The following ZC3H6 variants were observed in gnomAD, a reference collection of about 807,000 sequenced individuals.
ZC3H6 encodes the protein zinc finger CCCH-type containing 6.
A neutral mutation model predicts 107.7 loss-of-function variants in ZC3H6; 40 were observed. The observed-to-expected ratio is 0.37, with a 90% CI of 0.29 to 0.48. The LOEUF (loss-of-function observed/expected upper bound fraction) is 0.48, where lower values mean the gene tolerates loss of function less well. Among genes scored for constraint, ZC3H6 ranks in the 20% least tolerant of loss-of-function variants. ZC3H6 has a pLI of 0.98. For missense variants in ZC3H6, 1,267 were observed against 1,410.4 expected, an observed-to-expected ratio of 0.90 and a Z score of 1.63; for synonymous variants, 493 against 487.9, an observed-to-expected ratio of 1.01 and a Z score of -0.14.
rs577844433 is a variant in ZC3H6 at position 112,286,655 on chromosome 2, C to T, written c.32+10629C>T. Among the ~76,000 whole-genome samples the T allele has an allele frequency of 1.7e-3, 258 of 152,346 alleles. 1 individual carries two copies. Among genetic ancestry groups the T allele is most frequent in the African/African-American group, 6.1e-3 (253 of 41,588 alleles). On this transcript the variant is annotated intron_variant, in intron 1 of 11. Transcript: ENST00000409871. ...GTTTTGCCATGTTGCCCAGGCTAGT[C>T]TTGAGCCTCCTGGGCTCAAGTGATC...
intron 1 of ZC3H6, among the ~76,000 whole-genome samples, chr2:112,295,484 G>A (rs4430968): frequency 0.51 from 77,549 of 151,970 alleles, 21,982 homozygotes; most frequent in East Asian, 0.76. Context: ...ATTACTAGGT[G>A]TTCAATTAAG....
chr2:112,323,314 AAC>A (rs1248712123), intron 9 of ZC3H6, among the ~76,000 whole-genome samples: 6 of 152,130 alleles, frequency 3.9e-5, no homozygotes, highest in African/African-American at 1.4e-4. Flanking sequence ...TTCATTTTCT[AAC>A]ACCACCATTT....
chr2:112,334,219 G>A lies in ZC3H6; in HGVS notation c.*1731G>A, dbSNP rs1558959862. On this transcript the variant is annotated 3_prime_UTR_variant, in exon 12 of 12. Transcript: ENST00000409871. The stretch of plus-strand genomic sequence containing the variant: ...CCAAATGAATTTTGTTGTTAATTGA[G>A]AAGTCAATAAAATGGATTAAACTGA... 2 of 151,940 alleles carry A rather than the reference G, an allele frequency of 1.3e-5. No individual in the cohort carries two copies. The highest frequency in any genetic ancestry group is 2.4e-5 in the African/African-American group (1 of 41,396). 9.4% of individuals were successfully genotyped at this position (151,940 alleles called of 1,614,324 possible).
rs1434920204 is a variant in ZC3H6, at chr2:112,331,112, C to G, written c.2194C>G (p.Gln732Glu). 1 of 1,612,638 alleles carries G rather than the reference C, an allele frequency of 6.2e-7. No homozygotes were observed. The highest frequency in any genetic ancestry group is 1.7e-5 in the Admixed American group (1 of 59,768). The change falls in exon 12 of 12, where the codon CAA (glutamine) becomes GAA (glutamate). Residue 732 changes from glutamine (Q) to glutamate (E), a missense_variant. Physicochemically the swap from Gln to Glu is conservative, Grantham distance 29. This residue lies in a region of ZC3H6 where 925 missense variants were observed against 1,025.7 expected (regional missense o/e 0.90). Transcript: ENST00000409871. ...KQTETLRNQQQPSTELSTPTD... is the reference protein window; with the variant it reads ...KQTETLRNQQEPSTELSTPTD... ...AACAGAAACTTTAAGGAATCAGCAA[C>G]AACCTTCCACAGAACTCAGCACTCC...
intron 9 of ZC3H6, 127 bp from the exon 10 acceptor site, chr2:112,324,025 T>C: frequency 1.9e-6 from 2 of 1,039,362 alleles, no homozygotes; most frequent in South Asian, 4.6e-5. Context: ...AACAAATTGC[T>C]TCTTAAACAC....
intron 11 of ZC3H6, 95 bp downstream of exon 11, chr2:112,325,292 G>A: frequency 1.0e-5 from 12 of 1,166,004 alleles, no homozygotes; most frequent in Non-Finnish European, 1.5e-5. Flanking sequence ...TCAGGAGTTC[G>A]AGACCAACCT....
At position 112,332,514 on chromosome 2, in the gene ZC3H6, T is replaced by G. The variant is rs555197002; in HGVS notation, c.*26T>G. 6 of 1,577,624 alleles carry G rather than the reference T, an allele frequency of 3.8e-6. No homozygotes were observed. Among genetic ancestry groups the G allele is most frequent in the Non-Finnish European group, 5.2e-6 (6 of 1,163,626 alleles). ...CTATTGTGTAACTGAGCAATTCTTT[T>G]CACTCTTGTGACTATCTCAGTCCTC... is the stretch of plus-strand genomic sequence containing the variant. On this transcript the variant is annotated 3_prime_UTR_variant, in exon 12 of 12. Transcript: ENST00000409871.
chr2:112,289,423 C>A (rs1310964401), intron 1 of ZC3H6, among the ~76,000 whole-genome samples: 2 of 149,630 alleles, frequency 1.3e-5, no homozygotes, highest in Admixed American at 6.8e-5. Context: ...CTCCTGGTTT[C>A]ATGCCATTCT....
chr2:112,278,336 G>A (rs1379545655), intron 1 of ZC3H6, among the ~76,000 whole-genome samples: 1 of 152,056 alleles, frequency 6.6e-6, no homozygotes, highest in Non-Finnish European at 1.5e-5. Context: ...TTATTTTTTT[G>A]AGACGGAGTC....
chr2:112,313,890 A>C (rs1055909811), intron 5 of ZC3H6, among the ~76,000 whole-genome samples: 1 of 152,168 alleles, frequency 6.6e-6, no homozygotes, highest in African/African-American at 2.4e-5. Flanking sequence ...AATTTTTTTG[A>C]AAAATCAAGA....
At chr2:112,276,988 C>T (rs1686438481) in intron 1 of ZC3H6, among the ~76,000 whole-genome samples, 1 of 150,922 alleles carries the variant, frequency 6.6e-6, no homozygotes, top group African/African-American at 2.5e-5. Context: ...TTACTATAGA[C>T]TATATACATT....
chr2:112,326,931 C>T (rs1388914587), intron 11 of ZC3H6, among the ~76,000 whole-genome samples: 2 of 152,070 alleles, frequency 1.3e-5, no homozygotes, highest in African/African-American at 4.8e-5. Flanking sequence ...TTGGTGGACA[C>T]TTAGGTTGCT....
intron 1 of ZC3H6, among the ~76,000 whole-genome samples, chr2:112,280,865 G>T (rs962379052): frequency 6.6e-6 from 1 of 152,182 alleles, no homozygotes; most frequent in African/African-American, 2.4e-5. Flanking sequence ...AGGATGTGGG[G>T]ATCCCATCAA....
Position 112,299,975 on chromosome 2 carries a change from T to G in ZC3H6, c.159T>G (p.His53Gln), listed in dbSNP as rs1474648770. 6.7e-7 allele frequency: 1 copy of G among 1,501,008 alleles called. No homozygotes were observed. Among genetic ancestry groups the G allele is most frequent in the South Asian group, 1.4e-5 (1 of 73,502 alleles). 93.0% of individuals were successfully genotyped at this position (1,501,008 alleles called of 1,614,324 possible). A position where few individuals can be genotyped will look rare whatever the true frequency, so the allele number is the denominator to read the frequency against. Residue 53 changes from histidine (H) to glutamine (Q), a missense_variant, in exon 2 of 12, where the codon CAT becomes CAG. By Grantham distance (24) the His-to-Gln change is conservative (BLOSUM62 0). Around this residue, in one of 3 missense-constraint regions of ZC3H6, gnomAD observed 337 missense variants for 361.2 expected, o/e 0.93. Coordinates refer to ENST00000409871, the MANE Select transcript of ZC3H6 (RefSeq NM_198581.3). ...EKAYRKSRKK[H>Q]KKEREKKKSK... ...CCTACAGAAAATCAAGAAAAAAACA[T>G]AAGAAAGAGAGAGAGAAGAAAAAAT...
chr2:112,334,028 A>G lies in ZC3H6; in HGVS notation c.*1540A>G, dbSNP rs1054184235. 1 of 152,102 alleles carries G rather than the reference A, an allele frequency of 6.6e-6. No homozygotes were observed. The highest frequency in any genetic ancestry group is 2.4e-5 in the African/African-American group (1 of 41,432). The allele number at this position is 152,102 out of a possible 1,614,324, so 9.4% of individuals were successfully genotyped here. On this transcript the variant is annotated 3_prime_UTR_variant, in exon 12 of 12. Transcript: ENST00000409871. ...AAGTGAACGAGAACTCTGCCTACCT[A>G]AGAAGTTCATTGTGTTCTAAGTGGA... is the stretch of plus-strand genomic sequence containing the variant.
intron 6 of ZC3H6, among the ~76,000 whole-genome samples, 174 bp from the exon 7 acceptor site, chr2:112,317,047 T>C (rs192873038): frequency 3.9e-5 from 6 of 152,286 alleles, no homozygotes. Flanking sequence ...TCCACTGTCT[T>C]GGGCAGGAAT....
At chr2:112,301,789 A>G (rs754681297) in intron 2 of ZC3H6, among the ~76,000 whole-genome samples, 4 of 152,166 alleles carry the variant, frequency 2.6e-5, no homozygotes, top group Admixed American at 2.6e-4. Flanking sequence ...AAGTGAATGA[A>G]TTAGAATGAA....
In ZC3H6 at chr2:112,331,710, A is replaced by T; in HGVS notation, c.2792A>T (p.Lys931Ile). The T allele has an allele frequency of 6.2e-7, 1 of 1,613,894 alleles. No homozygotes were observed. Among genetic ancestry groups the T allele is most frequent in the Non-Finnish European group, 8.5e-7 (1 of 1,179,866 alleles). ...LHQNTVSIDP[K>I]LAAKAKINTT... ...CAAAATACAGTGTCCATTGATCCAA[A>T]ATTAGCAGCCAAAGCCAAAATTAAC... Residue 931 changes from lysine to isoleucine, a missense_variant, in exon 12 of 12, where the codon AAA becomes ATA. Around this residue, in one of 3 missense-constraint regions of ZC3H6, gnomAD observed 925 missense variants for 1,025.7 expected, o/e 0.90. Coordinates refer to ENST00000409871, the MANE Select transcript of ZC3H6 (RefSeq NM_198581.3).
chr2:112,285,643 C>T (rs115348767), intron 1 of ZC3H6, among the ~76,000 whole-genome samples: 19,011 of 151,498 alleles, frequency 0.13, 1,354 homozygotes, highest in Non-Finnish European at 0.16. Context: ...CAGGTGTGAG[C>T]CACTGCACCT....
Sources: gnomAD v4.1 joint callset for allele counts (sites outside exome capture counted in the v4.1 genomes callset) on GRCh38, gnomAD v4.1.1 for gene constraint, gnomAD v4.1.1 regional missense constraint, MANE v1.5 for transcripts, NCBI Gene and HGNC (gene_info 2026-07-23, HGNC 2026-07-21) for gene names.